ETS2: variants seen among roughly 807,000 people sequenced by gnomAD.
The protein encoded by ETS2 is protein C-ets-2.
In ETS2, 19 loss-of-function variants were observed where a neutral mutation model predicts 54.9. The observed-to-expected ratio is 0.35, with a 90% CI of 0.24 to 0.51. ETS2 has a LOEUF of 0.51. Ranked by LOEUF, ETS2 falls within the 20% of genes least tolerant of loss-of-function variation. The pLI, the probability that ETS2 is intolerant of heterozygous loss-of-function variation, is 0.97. For missense variants in ETS2, 417 were observed against 593.0 expected (o/e 0.70, Z 3.08); for synonymous variants, 219 against 229.3 (o/e 0.95, Z 0.41).
chr21:38,816,328 C>G (rs1453305269), intron 5 of ETS2, among the ~76,000 whole-genome samples: 1 of 151,776 alleles, frequency 6.6e-6, no homozygotes, highest in Admixed American at 6.6e-5. Context: ...TTTTAAAGAC[C>G]CTCATTTCTT....
In ETS2 at chr21:38,814,928, C is replaced by T. The variant is rs2060927349; in HGVS notation, c.452C>T (p.Ala151Val). The T allele has an allele frequency of 2.5e-6, 4 of 1,614,184 alleles. No individual in the cohort carries two copies. The highest frequency in any genetic ancestry group is 2.2e-5 in the East Asian group (1 of 44,886). ...NLGKERFLEL[A>V]PDFVGDILWE... ...GGCAAGGAACGCTTTCTGGAGCTGGCACCTGACTTTGTGGGTGACATTCTC... is the reference window on the plus strand; with the variant it reads ...GGCAAGGAACGCTTTCTGGAGCTGGTACCTGACTTTGTGGGTGACATTCTC... Residue 151 changes from alanine to valine, a missense_variant, in exon 5 of 10, where the codon GCA (alanine) becomes GTA (valine). Around this residue, in one of 3 missense-constraint regions of ETS2, gnomAD observed 326 missense variants for 426.1 expected, o/e 0.76. Coordinates refer to ENST00000360938, the MANE Select transcript of ETS2 (RefSeq NM_005239.6). The surrounding 1 kb of genome is among the most constrained non-coding windows in gnomAD (Gnocchi z 4.2).
At chr21:38,811,870 C>G (rs1569022071) in intron 2 of ETS2, among the ~76,000 whole-genome samples, 5 of 151,986 alleles carry the variant, frequency 3.3e-5, no homozygotes, top group Admixed American at 1.3e-4. Context: ...TGGTTTTAAG[C>G]AACAGGGTCC....
At chr21:38,820,790 G>A (rs1359396594) in intron 8 of ETS2, among the ~76,000 whole-genome samples, 1 of 152,238 alleles carries the variant, frequency 6.6e-6, no homozygotes, top group Non-Finnish European at 1.5e-5. Flanking sequence ...GCGTTTCTGA[G>A]GAAGAGCTAT....
At chr21:38,809,682 A>G (rs1030478220) in intron 1 of ETS2, 2 of 237,920 alleles carry the variant, frequency 8.4e-6, no homozygotes, top group Middle Eastern at 1.5e-3. Flanking sequence ...TAAGCTGGCC[A>G]TGGAAATGTG....
chr21:38,806,682 C>T lies in ETS2; in HGVS notation c.-1+562C>T, dbSNP rs1214909036. ...CGGGGTGCCATGGTCACCTGCTCGC[C>T]GCGTCCAGGGCCCGGGCTGGGGACC... On this transcript the variant is annotated intron_variant, in intron 1 of 9. Coordinates refer to ENST00000360938, the MANE Select transcript of ETS2 (RefSeq NM_005239.6). The surrounding 1 kb of genome is among the most constrained non-coding windows in gnomAD (Gnocchi z 4.3). 6 of 985,248 alleles carry T rather than the reference C, an allele frequency of 6.1e-6. No individual in the cohort carries two copies. Among genetic ancestry groups the T allele is most frequent in the Non-Finnish European group, 7.2e-6 (6 of 829,942 alleles). 61.0% of individuals were successfully genotyped at this position (985,248 alleles called of 1,614,324 possible). A position where few individuals can be genotyped will look rare whatever the true frequency, so the allele number is the denominator to read the frequency against.
chr21:38,810,873 T>A (rs1427747096), intron 2 of ETS2, among the ~76,000 whole-genome samples: 1 of 152,214 alleles, frequency 6.6e-6, no homozygotes, highest in Non-Finnish European at 1.5e-5. Flanking sequence ...TGTATATCAT[T>A]ATTGAGGTTA....
At chr21:38,809,162 G>T (rs115229247) in intron 1 of ETS2, among the ~76,000 whole-genome samples, 1,795 of 152,290 alleles carry the variant, frequency 0.012, 41 homozygotes, top group African/African-American at 0.041. Context: ...GAAATATTAT[G>T]TATGTATAAA....
In ETS2 at chr21:38,815,474, G is replaced by A. The variant is rs62217766; in HGVS notation, c.505+493G>A. ...GGATGTTGAGGATTGTTGAGGGGGC[G>A]GGGTCTGTTTTTAAACAAGTGAGAA... On this transcript the variant is annotated intron_variant, in intron 5 of 9. Coordinates refer to ENST00000360938, the MANE Select transcript of ETS2 (RefSeq NM_005239.6). Among the ~76,000 whole-genome samples the A allele has an allele frequency of 3.2e-3, 490 of 152,128 alleles. 1 individual carries two copies. Among genetic ancestry groups the A allele is most frequent in the African/African-American group, 0.011 (457 of 41,486 alleles).
chr21:38,807,406 T>C (rs566629259), intron 1 of ETS2, among the ~76,000 whole-genome samples: 1 of 146,292 alleles, frequency 6.8e-6, no homozygotes, highest in South Asian at 2.1e-4. Context: ...GTTACATTTC[T>C]GCTCTTTATC....
In ETS2 at chr21:38,814,232, A is replaced by G; in HGVS notation, c.185-41A>G. On this transcript the variant is annotated intron_variant, in intron 3 of 9. Transcript: ENST00000360938. The surrounding 1 kb of genome is among the most constrained non-coding windows in gnomAD (Gnocchi z 4.2). The stretch of plus-strand genomic sequence containing the variant: ...TCCTAAATCTCCACCTGATATCACC[A>G]ACTTGAAGTCCTAATGTCCCCATGG... 6.2e-7 allele frequency: 1 copy of G among 1,600,850 alleles called. No individual in the cohort carries two copies. Among genetic ancestry groups the G allele is most frequent in the South Asian group, 1.1e-5 (1 of 89,640 alleles).
rs886436632 is a variant in ETS2 at position 38,823,089 on chromosome 21, T to C, written c.*200T>C. The C allele has an allele frequency of 3.6e-5, 16 of 447,810 alleles. No homozygotes were observed. Among genetic ancestry groups the C allele is most frequent in the Non-Finnish European group, 5.9e-5 (15 of 255,116 alleles). The allele number at this position is 447,810 out of a possible 1,614,324, so 27.7% of individuals were successfully genotyped here. ...TTGTGGCAGCAACGGCACAGCTAAT[T>C]CTACTCACAGTGCTTTTAAGTGAAA... On this transcript the variant is annotated 3_prime_UTR_variant, in exon 10 of 10. Coordinates refer to ENST00000360938, the MANE Select transcript of ETS2 (RefSeq NM_005239.6).
intron 2 of ETS2, among the ~76,000 whole-genome samples, chr21:38,812,731 A>G (rs1010308214): frequency 1.3e-5 from 2 of 151,984 alleles, no homozygotes; most frequent in Admixed American, 1.3e-4. Context: ...CAGTGAGCCA[A>G]GATTGCACCA....
At chr21:38,822,304 A>G in intron 9 of ETS2, among the ~76,000 whole-genome samples, 1 of 152,200 alleles carries the variant, frequency 6.6e-6, no homozygotes, top group East Asian at 1.9e-4. Flanking sequence ...CACAGCTCAG[A>G]ATCCCACTCG....
rs139241184 is a variant in ETS2 at position 38,814,307 on chromosome 21, G to A, written c.219G>A (p.Pro73=). The change falls in exon 4 of 10, where the codon CCG becomes CCA. Residue 73 remains proline, a synonymous_variant. Coordinates refer to ENST00000360938, the MANE Select transcript of ETS2 (RefSeq NM_005239.6). This position sits in a 1 kb window ranked among gnomAD's most constrained non-coding sequence, Gnocchi z 4.2. ...ACTGTGAATTGCCTTTGTTAACCCC[G>A]TGCAGCAAGGCTGTGATGAGTCAAG... The part of the protein sequence containing the change: ...SANCELPLLT[P]CSKAVMSQAL... 1.5e-5 allele frequency: 24 copies of A among 1,613,918 alleles called. No homozygotes were observed. In the African/African-American group the frequency reaches 1.9e-4, roughly 13 times the overall value.
At chr21:38,822,595 AT>A in intron 9 of ETS2, 78 bp from the exon 10 acceptor site, 1 of 1,274,602 alleles carries the variant, frequency 7.8e-7, no homozygotes, top group South Asian at 1.4e-5. Flanking sequence ...CCTCAGAATC[AT>A]AATCAGGGAG....
intron 1 of ETS2, chr21:38,809,498 T>C (rs1201941231): frequency 6.6e-6 from 1 of 152,646 alleles, no homozygotes; most frequent in Non-Finnish European, 1.5e-5. Context: ...TCCCTGGGTG[T>C]GTGCTTTCTT....
At chr21:38,813,214 G>A in intron 3 of ETS2, 100 bp downstream of exon 3, 1 of 806,996 alleles carries the variant, frequency 1.2e-6, no homozygotes, top group East Asian at 2.5e-5. Flanking sequence ...TTGGTATCTG[G>A]AATCTTTGAT....
At chr21:38,816,374 G>A (rs558965918) in intron 5 of ETS2, among the ~76,000 whole-genome samples, 5 of 152,174 alleles carry the variant, frequency 3.3e-5, no homozygotes, top group Admixed American at 6.5e-5. Context: ...CAAGTTTCTG[G>A]TGATCTGTTT....
chr21:38,820,304 C>T (rs967052459), intron 8 of ETS2, among the ~76,000 whole-genome samples: 1 of 152,170 alleles, frequency 6.6e-6, no homozygotes, highest in East Asian at 1.9e-4. Flanking sequence ...TTCACTGCTT[C>T]GTGTATCCTT....
Sources: allele counts gnomAD v4.1 joint callset (sites outside exome capture counted in the v4.1 genomes callset), GRCh38; gene constraint gnomAD v4.1.1; regional missense constraint gnomAD v4.1.1; non-coding constraint Gnocchi (gnomAD v3.1); transcripts MANE v1.5; gene names NCBI Gene and HGNC (gene_info 2026-07-23, HGNC 2026-07-21).